The following ANKS1B variants were observed in gnomAD, a reference collection of about 807,000 sequenced individuals.
The protein encoded by ANKS1B is ankyrin repeat and sterile alpha motif domain-containing protein 1B.
ANKS1B carries 36 observed loss-of-function variants against 148.3 expected under a neutral mutation model. The observed-to-expected ratio is 0.24, with a 90% CI of 0.19 to 0.32. The LOEUF (loss-of-function observed/expected upper bound fraction) is 0.32. Among genes scored for constraint, ANKS1B ranks in the 10% least tolerant of loss-of-function variants. The pLI is 1.00. For missense variants in ANKS1B, 1,157 were observed against 1,542.6 expected (o/e 0.75, Z 4.19); for synonymous variants, 542 against 560.8 (o/e 0.97, Z 0.47).
chr12:99,960,512 G>A (rs1268810689), intron 1 of ANKS1B, among the ~76,000 whole-genome samples: 1 of 152,196 alleles, frequency 6.6e-6, no homozygotes, highest in African/African-American at 2.4e-5. Context: ...ACACAGCTGA[G>A]TTGAGAAGGG....
intron 11 of ANKS1B, 67 bp from the exon 12 acceptor site, chr12:99,399,878 C>A: frequency 6.7e-7 from 1 of 1,495,314 alleles, no homozygotes; most frequent in South Asian, 1.2e-5. Context: ...ATCTCCCCAT[C>A]AATTTAATCT....
intron 17 of ANKS1B, among the ~76,000 whole-genome samples, chr12:99,023,948 A>G (rs1286126184): frequency 6.7e-6 from 1 of 149,968 alleles, no homozygotes; most frequent in Non-Finnish European, 1.5e-5. Context: ...TAAATTATAT[A>G]TAACTTTAAT....
At chr12:99,643,118 T>C (rs1387211242) in intron 9 of ANKS1B, among the ~76,000 whole-genome samples, 1 of 152,214 alleles carries the variant, frequency 6.6e-6, no homozygotes. Context: ...GGGAGGAGCA[T>C]TATGCTGTCT....
intron 9 of ANKS1B, among the ~76,000 whole-genome samples, chr12:99,552,784 C>T (rs1033246917): frequency 6.6e-6 from 1 of 152,140 alleles, no homozygotes; most frequent in Non-Finnish European, 1.5e-5. Context: ...GTTGTATTTA[C>T]ATATAACCTA....
chr12:99,084,782 T>C, intron 16 of ANKS1B, 143 bp downstream of exon 16: 1 of 612,560 alleles, frequency 1.6e-6, no homozygotes, highest in Non-Finnish European at 2.9e-6. Flanking sequence ...AGTCTGAATG[T>C]GCAGTTGGAC....
chr12:99,892,631 A>T (rs1490509658), intron 1 of ANKS1B, among the ~76,000 whole-genome samples: 2 of 152,198 alleles, frequency 1.3e-5, no homozygotes, highest in Non-Finnish European at 1.5e-5. Flanking sequence ...TTGAAGGTGG[A>T]ACTGAACACC....
rs146319782 is a variant in ANKS1B at position 99,173,002 on chromosome 12, C to T, written c.2420-18607G>A. 2.3e-3 allele frequency among the ~76,000 whole-genome samples: 346 copies of T among 152,114 alleles called. 4 individuals carry two copies. Among genetic ancestry groups the T allele is most frequent in the Middle Eastern group, 0.017 (5 of 294 alleles). ...ATCAGAAACAAATTTCAAATAGTCA[C>T]CTCTCTGAATAAGTTAGGTACTATC... On this transcript the variant is annotated intron_variant, in intron 14 of 26. Coordinates refer to ENST00000683438, the MANE Select transcript of ANKS1B (RefSeq NM_001352186.2).
intron 19 of ANKS1B, among the ~76,000 whole-genome samples, chr12:98,815,714 C>T (rs907624170): frequency 1.3e-5 from 2 of 152,162 alleles, no homozygotes; most frequent in Non-Finnish European, 2.9e-5. Context: ...TGGAGCTCTC[C>T]TTTCTCCTGT....
intron 14 of ANKS1B, among the ~76,000 whole-genome samples, chr12:99,158,073 G>A (rs1295635850): frequency 6.6e-6 from 1 of 152,046 alleles, no homozygotes; most frequent in Non-Finnish European, 1.5e-5. Flanking sequence ...ATAAAAGAGA[G>A]GGAAGAAGGA....
chr12:99,577,626 G>T (rs1438332725), intron 9 of ANKS1B, among the ~76,000 whole-genome samples: 1 of 151,914 alleles, frequency 6.6e-6, no homozygotes, highest in African/African-American at 2.4e-5. Flanking sequence ...TAGAAGAAAT[G>T]TATAAATTCC....
At chr12:99,588,898 C>T (rs115676575) in intron 9 of ANKS1B, among the ~76,000 whole-genome samples, 1,775 of 152,148 alleles carry the variant, frequency 0.012, 44 homozygotes, top group African/African-American at 0.04. Flanking sequence ...TTTCCATTTC[C>T]CCTAAATTAT....
At chr12:99,906,177 C>T (rs967411126) in intron 1 of ANKS1B, among the ~76,000 whole-genome samples, 7 of 152,158 alleles carry the variant, frequency 4.6e-5, no homozygotes, top group Admixed American at 4.6e-4. Context: ...CAGCCTGGAA[C>T]AAAGTCTGGT....
chr12:99,774,330 A>G (rs1438539030), intron 7 of ANKS1B, among the ~76,000 whole-genome samples: 1 of 152,104 alleles, frequency 6.6e-6, no homozygotes, highest in Non-Finnish European at 1.5e-5. Context: ...AAGGACTCGA[A>G]TAGACATTTC....
At chr12:98,959,964 C>T (rs567762444) in intron 17 of ANKS1B, among the ~76,000 whole-genome samples, 6 of 152,250 alleles carry the variant, frequency 3.9e-5, no homozygotes, top group East Asian at 3.9e-4. Context: ...CAGCCACAAT[C>T]GAGTAAGGCA....
chr12:99,486,591 T>C (rs1026872806), intron 10 of ANKS1B, among the ~76,000 whole-genome samples: 2 of 152,126 alleles, frequency 1.3e-5, no homozygotes, highest in Non-Finnish European at 2.9e-5. Context: ...CTAAAGCAAG[T>C]AGGTAAATGC....
chr12:99,504,684 C>G, intron 9 of ANKS1B, 43 bp from the exon 10 acceptor site: 1 of 1,402,686 alleles, frequency 7.1e-7, no homozygotes, highest in Non-Finnish European at 9.5e-7. Flanking sequence ...GATGAAGAAA[C>G]AGCCTTGTTT....
intron 9 of ANKS1B, among the ~76,000 whole-genome samples, chr12:99,608,980 T>C (rs1353761951): frequency 6.6e-6 from 1 of 151,940 alleles, no homozygotes; most frequent in Non-Finnish European, 1.5e-5. Context: ...GAGGAGTCAA[T>C]CTGGGGAGAT....
At chr12:99,182,508 TGGCTGAATA>T (rs755149761) in intron 14 of ANKS1B, among the ~76,000 whole-genome samples, 56 of 152,360 alleles carry the variant, frequency 3.7e-4, no homozygotes, top group Non-Finnish European at 6.2e-4. Flanking sequence ...ATTCTTTTTA[TGGCTGAATA>T]GTACTCCATT....
Position 99,307,466 on chromosome 12 carries a change from AG to A in ANKS1B, c.1757-60603del, listed in dbSNP as rs1566855963. ...AATCTTGAGTTCAAACTATATATAA[AG>A]GTTTGCAGGAAAAGAAACAGAAAAA... is the stretch of plus-strand genomic sequence containing the variant. On this transcript the variant is annotated intron_variant, in intron 12 of 26. Transcript: ENST00000683438. Among the ~76,000 whole-genome samples the A allele has an allele frequency of 2.6e-5, 4 of 152,120 alleles. No homozygotes were observed. The Admixed American group carries it at 2.6e-4, about 10-fold the overall frequency.
Sources: gnomAD v4.1 joint callset for allele counts (sites outside exome capture counted in the v4.1 genomes callset) on GRCh38, gnomAD v4.1.1 for gene constraint, MANE v1.5 for transcripts, NCBI Gene and HGNC (gene_info 2026-07-23, HGNC 2026-07-21) for gene names.